The following CHRM2 variants were observed in gnomAD, a reference collection of about 807,000 sequenced individuals.
CHRM2 encodes the protein muscarinic acetylcholine receptor M2.
Under a neutral mutation model 25.0 loss-of-function variants are expected in CHRM2, and 8 were observed. That is an observed-to-expected ratio of 0.32 (90% CI 0.19 to 0.58). CHRM2 has a LOEUF of 0.58. Among genes scored for constraint, CHRM2 ranks in the 20% least tolerant of loss-of-function variants. The pLI is 0.88. For missense variants in CHRM2, 440 were observed against 567.1 expected, an observed-to-expected ratio of 0.78 and a Z score of 2.28; for synonymous variants, 202 against 205.7, an observed-to-expected ratio of 0.98 and a Z score of 0.15.
At chr7:136,941,322 G>A (rs542897047) in intron 2 of CHRM2, among the ~76,000 whole-genome samples, 6 of 152,068 alleles carry the variant, frequency 3.9e-5, no homozygotes, top group Non-Finnish European at 8.8e-5. Context: ...AGAACCAAAA[G>A]GTGCCTCAGA....
intron 2 of CHRM2, among the ~76,000 whole-genome samples, chr7:136,938,934 A>G: frequency 2.6e-5 from 1 of 38,550 alleles, no homozygotes; most frequent in Admixed American, 1.8e-4. Context: ...AAAAAAAAAA[A>G]AAAAAAAAAA....
intron 2 of CHRM2, among the ~76,000 whole-genome samples, chr7:136,971,434 G>A (rs755669499): frequency 6.6e-6 from 1 of 151,962 alleles, no homozygotes; most frequent in African/African-American, 2.4e-5. Flanking sequence ...TGACCAACAC[G>A]GTGAAACCCT....
At chr7:136,963,504 T>A (rs1488627164) in intron 2 of CHRM2, among the ~76,000 whole-genome samples, 1 of 152,156 alleles carries the variant, frequency 6.6e-6, no homozygotes, top group Non-Finnish European at 1.5e-5. Context: ...TGACAAGACT[T>A]AAGGGCTCTA....
At chr7:137,014,445 G>A (rs1563127329) in intron 3 of CHRM2, among the ~76,000 whole-genome samples, 1 of 151,854 alleles carries the variant, frequency 6.6e-6, no homozygotes, top group Non-Finnish European at 1.5e-5. Context: ...TCTATTCCAG[G>A]AATCCCTTGA....
chr7:136,957,973 A>G (rs1800822495), intron 2 of CHRM2, among the ~76,000 whole-genome samples: 1 of 152,230 alleles, frequency 6.6e-6, no homozygotes, highest in African/African-American at 2.4e-5. Context: ...TTACCATTTG[A>G]TCATCTGATT....
intron 2 of CHRM2, among the ~76,000 whole-genome samples, chr7:136,968,331 T>G (rs1801543449): frequency 6.6e-6 from 1 of 151,946 alleles, no homozygotes; most frequent in Non-Finnish European, 1.5e-5. Context: ...CAATAAGATA[T>G]CATCTGATAC....
intron 2 of CHRM2, among the ~76,000 whole-genome samples, chr7:136,872,144 G>A (rs185679351): frequency 1.4e-4 from 22 of 152,318 alleles, no homozygotes; most frequent in Admixed American, 1.1e-3. Context: ...AATTCCCAGG[G>A]CTAGACTGTC....
intron 2 of CHRM2, among the ~76,000 whole-genome samples, chr7:136,889,896 T>C (rs540381377): frequency 1.8e-4 from 28 of 152,300 alleles, no homozygotes; most frequent in African/African-American, 6.7e-4. Flanking sequence ...CTCAGAGATA[T>C]TTCACAAATA....
At chr7:136,870,830 C>G (rs944352316) in intron 2 of CHRM2, 1 of 152,292 alleles carries the variant, frequency 6.6e-6, no homozygotes, top group Non-Finnish European at 1.5e-5. Context: ...CCAGGCGCCG[C>G]GAGCCAAGAA....
chr7:136,960,533 G>A (rs1229014124), intron 2 of CHRM2, among the ~76,000 whole-genome samples: 1 of 152,120 alleles, frequency 6.6e-6, no homozygotes, highest in Non-Finnish European at 1.5e-5. Context: ...AGAAACCAGA[G>A]GTAAACTGGA....
chr7:137,012,183 A>C (rs1049434235), intron 3 of CHRM2, among the ~76,000 whole-genome samples: 6 of 152,078 alleles, frequency 3.9e-5, no homozygotes, highest in African/African-American at 1.4e-4. Flanking sequence ...CATATAGCTC[A>C]ACTCCAAACT....
intron 2 of CHRM2, among the ~76,000 whole-genome samples, chr7:136,931,471 G>C (rs1459226947): frequency 6.6e-6 from 1 of 152,190 alleles, no homozygotes; most frequent in Non-Finnish European, 1.5e-5. Flanking sequence ...AGATACCTTT[G>C]GGTACTGAGG....
intron 3 of CHRM2, among the ~76,000 whole-genome samples, chr7:137,004,255 T>A (rs1443175310): frequency 6.6e-6 from 1 of 152,134 alleles, no homozygotes; most frequent in African/African-American, 2.4e-5. Context: ...TTTTGTCAGA[T>A]GACACAGTAG....
At chr7:136,988,511 G>C (rs1375413075) in intron 2 of CHRM2, among the ~76,000 whole-genome samples, 2 of 151,932 alleles carry the variant, frequency 1.3e-5, no homozygotes, top group African/African-American at 4.8e-5. Flanking sequence ...TTTCATTGTA[G>C]AGAGAAGGTG....
chr7:136,941,011 C>G (rs1225763567), intron 2 of CHRM2, among the ~76,000 whole-genome samples: 1 of 152,196 alleles, frequency 6.6e-6, no homozygotes, highest in Non-Finnish European at 1.5e-5. Context: ...GCTAATAATG[C>G]AGTCCTACAT....
chr7:136,869,133 T>A lies in CHRM2; in HGVS notation c.-282-128T>A, dbSNP rs1795709192. 3 of 152,100 alleles carry A rather than the reference T, an allele frequency of 2.0e-5. No individual in the cohort carries two copies. The allele number at this position is 152,100 out of a possible 1,614,324, so 9.4% of individuals were successfully genotyped here. A position where few individuals can be genotyped will look rare whatever the true frequency, so the allele number is the denominator to read the frequency against. ...CGAGTGTGGGGTGCGTGACTCTGCCTGCGCGCGCGCCAGCCCCGCAGCTCT... is the reference window on the plus strand; with the variant it reads ...CGAGTGTGGGGTGCGTGACTCTGCCAGCGCGCGCGCCAGCCCCGCAGCTCT... On this transcript the variant is annotated intron_variant, in intron 1 of 3. Coordinates refer to ENST00000680005, the MANE Select transcript of CHRM2 (RefSeq NM_001006630.2). The surrounding 1 kb of genome is among the most constrained non-coding windows in gnomAD (Gnocchi z 4.9).
At chr7:136,940,894 G>C (rs950139391) in intron 2 of CHRM2, among the ~76,000 whole-genome samples, 1 of 152,168 alleles carries the variant, frequency 6.6e-6, no homozygotes, top group Admixed American at 6.5e-5. Flanking sequence ...AGGATCAGCT[G>C]TCACAACTGG....
chr7:136,994,471 G>T (rs1017052261), intron 3 of CHRM2, among the ~76,000 whole-genome samples: 1 of 147,472 alleles, frequency 6.8e-6, no homozygotes, highest in Non-Finnish European at 1.5e-5. Flanking sequence ...GTACTTATTT[G>T]GTTATATAAT....
chr7:136,956,545 G>A (rs1427799538), intron 2 of CHRM2, among the ~76,000 whole-genome samples: 4 of 152,014 alleles, frequency 2.6e-5, no homozygotes, highest in Non-Finnish European at 4.4e-5. Context: ...ATACAAATGG[G>A]GCATCAGTTG....
Sources: gnomAD v4.1 joint callset for allele counts (sites outside exome capture counted in the v4.1 genomes callset) on GRCh38, gnomAD v4.1.1 for gene constraint, Gnocchi (gnomAD v3.1) non-coding constraint, MANE v1.5 for transcripts, NCBI Gene and HGNC (gene_info 2026-07-23, HGNC 2026-07-21) for gene names.